The following AREL1 variants were observed in gnomAD, a reference collection of about 807,000 sequenced individuals.
The protein encoded by AREL1 is apoptosis-resistant E3 ubiquitin protein ligase 1.
AREL1 carries 62 observed loss-of-function variants against 99.0 expected under a neutral mutation model. The observed-to-expected ratio is 0.63, with a 90% confidence interval of 0.51 to 0.77. The LOEUF (loss-of-function observed/expected upper bound fraction) is 0.77. Ranked by LOEUF, AREL1 falls within the 30% of genes least tolerant of loss-of-function variation. AREL1 has a pLI of 0.00. For synonymous variants in AREL1, 380 were observed against 376.5 expected, an observed-to-expected ratio of 1.01 and a Z score of -0.11; for missense variants, 879 against 1,027.6, an observed-to-expected ratio of 0.86 and a Z score of 1.98.
At chr14:74,668,090 G>C (rs2089248053) in intron 15 of AREL1, among the ~76,000 whole-genome samples, 1 of 152,164 alleles carries the variant, frequency 6.6e-6, no homozygotes, top group Non-Finnish European at 1.5e-5. Context: ...TGAAGATCCT[G>C]GATTCTAATC....
rs760570392 is a variant in AREL1 at position 74,673,164 on chromosome 14, C to T, written c.1213G>A (p.Asp405Asn). 6.2e-7 allele frequency: 1 copy of T among 1,614,204 alleles called. No homozygotes were observed. Reference protein sequence around the residue: ...VHKLLTLVVDDGIQPPVELSC... With the variant: ...VHKLLTLVVDNGIQPPVELSC... ...AGCTCCACAGGAGGTTGAATGCCATCATCCACCACCAGTGTGAGCAGCTTA... is the reference window on the plus strand; with the variant it reads ...AGCTCCACAGGAGGTTGAATGCCATTATCCACCACCAGTGTGAGCAGCTTA... The change falls in exon 10 of 20, where the codon GAT (aspartate) becomes AAT (asparagine). Residue 405 changes from aspartate (D) to asparagine (N), a missense_variant. Physicochemically the swap from Asp to Asn is conservative, Grantham distance 23. Transcript: ENST00000356357.
intron 11 of AREL1, 151 bp downstream of exon 11, chr14:74,672,680 A>C: frequency 9.6e-7 from 1 of 1,040,284 alleles, no homozygotes; most frequent in Admixed American, 2.2e-5. Context: ...GGCTGCAGTG[A>C]GCCATGATCG....
chr14:74,699,098 G>C (rs558440523), intron 1 of AREL1, among the ~76,000 whole-genome samples: 1 of 152,140 alleles, frequency 6.6e-6, no homozygotes, highest in Non-Finnish European at 1.5e-5. Flanking sequence ...TTAAGAGCAT[G>C]AATCTTACTA....
chr14:74,710,750 C>A (rs139120644), intron 1 of AREL1, among the ~76,000 whole-genome samples: 5 of 152,200 alleles, frequency 3.3e-5, no homozygotes, highest in African/African-American at 1.2e-4. Context: ...AAATTCAGTG[C>A]CCACAGATAT....
At chr14:74,663,862 A>G (rs564160460) in intron 19 of AREL1, 37 bp downstream of exon 19, 5 of 1,614,220 alleles carry the variant, frequency 3.1e-6, no homozygotes, top group South Asian at 1.1e-5. Context: ...CATACCACCA[A>G]AAACACTGGG....
intron 9 of AREL1, 54 bp downstream of exon 9, chr14:74,673,980 A>T: frequency 6.9e-7 from 1 of 1,458,958 alleles, no homozygotes. Flanking sequence ...AAAGGCTGAG[A>T]TAGTCCAGAG....
chr14:74,688,424 G>A (rs2089796637), intron 2 of AREL1, among the ~76,000 whole-genome samples: 1 of 152,142 alleles, frequency 6.6e-6, no homozygotes, highest in Admixed American at 6.5e-5. Context: ...GCTTTACCTT[G>A]TGGAGTCCTC....
At chr14:74,709,125 T>C (rs555960572) in intron 1 of AREL1, among the ~76,000 whole-genome samples, 125 of 152,346 alleles carry the variant, frequency 8.2e-4, no homozygotes, top group Non-Finnish European at 1.6e-3. Context: ...CCAAGTTAGT[T>C]AATAGCTAAA....
chr14:74,666,163 G>A (rs1352411289), intron 17 of AREL1, among the ~76,000 whole-genome samples: 2 of 152,154 alleles, frequency 1.3e-5, no homozygotes, highest in Admixed American at 6.5e-5. Context: ...TCAGTTAATA[G>A]AAATAAGAAT....
intron 15 of AREL1, 75 bp downstream of exon 15, chr14:74,669,573 GA>G: frequency 1.3e-6 from 2 of 1,523,870 alleles, no homozygotes; most frequent in Non-Finnish European, 1.8e-6. Context: ...CACCACTGCA[GA>G]AAGTTCTCTT....
intron 1 of AREL1, among the ~76,000 whole-genome samples, chr14:74,696,851 C>T (rs1404940752): frequency 1.3e-5 from 2 of 152,158 alleles, no homozygotes; most frequent in Non-Finnish European, 2.9e-5. Flanking sequence ...GTAATCCCAG[C>T]TACTCAGGAG....
intron 1 of AREL1, among the ~76,000 whole-genome samples, chr14:74,707,815 G>C (rs2139995283): frequency 6.7e-6 from 1 of 148,382 alleles, no homozygotes; most frequent in East Asian, 2.0e-4. Context: ...AAATTAGACG[G>C]GTATGGTGGC....
At chr14:74,684,852 C>T (rs538618414) in intron 3 of AREL1, among the ~76,000 whole-genome samples, 172 bp from the exon 4 acceptor site, 4 of 152,346 alleles carry the variant, frequency 2.6e-5, no homozygotes, top group East Asian at 3.9e-4. Context: ...GGAACTTCTA[C>T]ACCAGGGGTC....
chr14:74,675,569 G>T, intron 8 of AREL1, 130 bp downstream of exon 8: 2 of 1,284,920 alleles, frequency 1.6e-6, no homozygotes, highest in Non-Finnish European at 2.1e-6. Context: ...AGTTGAAAGT[G>T]GCTTTCTATA....
Position 74,685,664 on chromosome 14 carries a change from T to C in AREL1, c.-45-4A>G, listed in dbSNP as rs1338884740. ...CAGCCGAGGATCACAGCTGCAGCTG[T>C]TAAAAGAAAACTTGTTTAGTTTTTG... is the stretch of plus-strand genomic sequence containing the variant. On this transcript the variant is annotated splice_polypyrimidine_tract_variant and splice_region_variant and intron_variant, in intron 2 of 19. Coordinates refer to ENST00000356357, the MANE Select transcript of AREL1 (RefSeq NM_001039479.2). The C allele has an allele frequency of 1.7e-5, 28 of 1,612,846 alleles. No homozygotes were observed. Among genetic ancestry groups the C allele is most frequent in the African/African-American group, 2.7e-5 (2 of 74,818 alleles).
At position 74,684,579 on chromosome 14, in the gene AREL1, G is replaced by A. The variant is rs2089707203; in HGVS notation, c.118C>T (p.Arg40Cys). 4 of 1,614,124 alleles carry A rather than the reference G, an allele frequency of 2.5e-6. No homozygotes were observed. The highest frequency in any genetic ancestry group is 1.3e-5 in the African/African-American group (1 of 75,018). ...VSFLQNEDRE[R>C]RGDRTIYDYV... ...TCATAAATAGTCCGGTCCCCTCGGC[G>A]CTCGCGGTCCTCATTCTGGAGGAAG... Residue 40 changes from arginine (R) to cysteine (C), a missense_variant, in exon 4 of 20, where the codon CGC (arginine) becomes TGC (cysteine). Physicochemically the swap from Arg to Cys is radical, Grantham distance 180 (BLOSUM62 -3). Coordinates refer to ENST00000356357, the MANE Select transcript of AREL1 (RefSeq NM_001039479.2).
intron 1 of AREL1, among the ~76,000 whole-genome samples, chr14:74,697,315 T>G (rs934459715): frequency 6.6e-6 from 1 of 152,180 alleles, no homozygotes; most frequent in Admixed American, 6.5e-5. Flanking sequence ...TTTTGTAAGA[T>G]GCAATCTCCA....
chr14:74,707,437 C>T lies in AREL1; in HGVS notation c.-334+5496G>A, dbSNP rs993114680. 2.7e-5 allele frequency among the ~76,000 whole-genome samples: 4 copies of T among 148,982 alleles called. No individual in the cohort carries two copies. The East Asian group carries it at 8.0e-4, about 30-fold the overall frequency. On this transcript the variant is annotated intron_variant, in intron 1 of 19. Coordinates refer to ENST00000356357, the MANE Select transcript of AREL1 (RefSeq NM_001039479.2). ...CAGCACTTTGGGAGGCCAAGGTGGG[C>T]GGATTACGAGGTCAGGAGATCGAGA...
At chr14:74,670,462 C>A (rs1022279856) in intron 13 of AREL1, among the ~76,000 whole-genome samples, 21 of 152,130 alleles carry the variant, frequency 1.4e-4, no homozygotes, top group African/African-American at 5.1e-4. Context: ...GTACAGGAAT[C>A]ATTTGCTTCA....
Sources: gnomAD v4.1 joint callset for allele counts (sites outside exome capture counted in the v4.1 genomes callset) on GRCh38, gnomAD v4.1.1 for gene constraint, MANE v1.5 for transcripts, NCBI Gene and HGNC (gene_info 2026-07-23, HGNC 2026-07-21) for gene names.